Variants in NOTCH3 observed in about 807,000 individuals in gnomAD.
NOTCH3 encodes the protein notch receptor 3.
Under a neutral mutation model 213.3 loss-of-function variants are expected in NOTCH3, and 86 were observed. The ratio of observed to expected loss-of-function variants is 0.40; its 90% CI spans 0.34 to 0.48. NOTCH3 has a LOEUF of 0.48. Ranked by LOEUF, NOTCH3 falls within the 20% of genes least tolerant of loss-of-function variation. The pLI, the probability that NOTCH3 is intolerant of heterozygous loss-of-function variation, is 0.57. For synonymous variants in NOTCH3, 1,354 were observed against 1,355.9 expected, an observed-to-expected ratio of 1.00 and a Z score of 0.03; for missense variants, 2,783 against 3,272.6, an observed-to-expected ratio of 0.85 and a Z score of 3.65.
chr19:15,181,578 G>A lies in NOTCH3; in HGVS notation c.2790C>T (p.Pro930=), dbSNP rs1599383352. ...CTCCAAGCAGAGGCCCCGCCCACCT[G>A]GGGCTGCAGTCGGGCAGGTCCTGTT... is the stretch of plus-strand genomic sequence containing the variant. ...HCEQDLPDCS[P]SSCFNGGTCV... Residue 930 remains proline (P), a splice_region_variant and synonymous_variant, in exon 17 of 33, where the codon CCC becomes CCT. Transcript: ENST00000263388. The A allele has an allele frequency of 6.5e-7, 1 of 1,550,186 alleles. No individual in the cohort carries two copies. Among genetic ancestry groups the A allele is most frequent in the Non-Finnish European group, 8.7e-7 (1 of 1,146,542 alleles).
Position 15,161,411 on chromosome 19 carries a change from C to G in NOTCH3, c.6217G>C (p.Gly2073Arg), listed in dbSNP as rs1250159597. ...SRRPPGKAGL[G>R]PQGPRGRGKK... is the part of the protein sequence containing the mutation. The stretch of plus-strand genomic sequence containing the variant: ...CCCCGCCCCCGGGGCCCCTGCGGCC[C>G]CAGCCCCGCCTTCCCGGGGGGCCTC... Residue 2073 changes from glycine (G) to arginine (R), a missense_variant, in exon 33 of 33, where the codon GGG (glycine) becomes CGG (arginine). By Grantham distance (125) the Gly-to-Arg change is moderately radical. Coordinates refer to ENST00000263388, the MANE Select transcript of NOTCH3 (RefSeq NM_000435.3). 1 of 1,527,294 alleles carries G rather than the reference C, an allele frequency of 6.5e-7. No homozygotes were observed. Among genetic ancestry groups the G allele is most frequent in the Non-Finnish European group, 8.8e-7 (1 of 1,136,764 alleles). 94.6% of individuals were successfully genotyped at this position (1,527,294 alleles called of 1,614,324 possible).
In NOTCH3 at chr19:15,161,406, C is replaced by A. The variant is rs764753278; in HGVS notation, c.6222G>T (p.Pro2074=). 1.3e-6 allele frequency: 2 copies of A among 1,523,698 alleles called. No homozygotes were observed. The highest frequency in any genetic ancestry group is 1.8e-6 in the Non-Finnish European group (2 of 1,135,744). The allele number at this position is 1,523,698 out of a possible 1,614,324, so 94.4% of individuals were successfully genotyped here. ...TCTTGCCCCGCCCCCGGGGCCCCTG[C>A]GGCCCCAGCCCCGCCTTCCCGGGGG... ...RRPPGKAGLG[P]QGPRGRGKKL... The change falls in exon 33 of 33, where the codon CCG becomes CCT. Residue 2074 remains proline, a synonymous_variant. Coordinates refer to ENST00000263388, the MANE Select transcript of NOTCH3 (RefSeq NM_000435.3).
chr19:15,178,566 G>T, intron 23 of NOTCH3: 1 of 544,602 alleles, frequency 1.8e-6, no homozygotes, highest in Non-Finnish European at 3.3e-6. Context: ...TATATTTTTA[G>T]TAGAGACGGG....
In NOTCH3 at chr19:15,187,203, C is replaced by G. The variant is rs570645067; in HGVS notation, c.1742G>C (p.Ser581Thr). The change falls in exon 11 of 33, where the codon AGC (serine) becomes ACC (threonine). Residue 581 changes from serine (S) to threonine (T), a missense_variant. Physicochemically the swap from Ser to Thr is moderately conservative, Grantham distance 58. Coordinates refer to ENST00000263388, the MANE Select transcript of NOTCH3 (RefSeq NM_000435.3). The stretch of plus-strand genomic sequence containing the variant: ...CTGGCTGCGGCATTCGTCCACCTGG[C>G]TCTCGCAGCGTGTGCCCGTGTAGCC... Reference protein sequence around the residue: ...APGYTGTRCESQVDECRSQPC... With the variant: ...APGYTGTRCETQVDECRSQPC... 10 of 1,614,106 alleles carry G rather than the reference C, an allele frequency of 6.2e-6. No individual in the cohort carries two copies. The South Asian group carries it at 9.9e-5, about 16-fold the overall frequency.
chr19:15,195,651 G>A (rs2046963973), intron 2 of NOTCH3, among the ~76,000 whole-genome samples: 1 of 151,938 alleles, frequency 6.6e-6, no homozygotes, highest in Non-Finnish European at 1.5e-5. Flanking sequence ...GGCGTTGGGA[G>A]GGGAGGGCAC....
intron 25 of NOTCH3, among the ~76,000 whole-genome samples, chr19:15,173,588 G>A (rs1340683503): frequency 1.3e-5 from 2 of 151,610 alleles, no homozygotes; most frequent in South Asian, 2.1e-4. Flanking sequence ...AAATTAGCCC[G>A]GTGTGGTGGT....
At chr19:15,195,409 A>G (rs1187600827) in intron 2 of NOTCH3, among the ~76,000 whole-genome samples, 1 of 152,026 alleles carries the variant, frequency 6.6e-6, no homozygotes, top group Non-Finnish European at 1.5e-5. Flanking sequence ...GGAGGGGCTT[A>G]GAGAAGCCAG....
chr19:15,162,952 G>A (rs1412480951), intron 31 of NOTCH3, among the ~76,000 whole-genome samples: 1 of 152,098 alleles, frequency 6.6e-6, no homozygotes, highest in African/African-American at 2.4e-5. Context: ...CACCCAGGCT[G>A]GAGTCCATTG....
chr19:15,197,445 C>CAA, intron 2 of NOTCH3, 55 bp downstream of exon 2: 1 of 771,206 alleles, frequency 1.3e-6, no homozygotes. Context: ...CAAATCGCCC[C>CAA]TCCCCCCCGC....
rs2145392121 is a variant in NOTCH3, at chr19:15,165,899, G to A, written c.5555C>T (p.Ala1852Val). 1.2e-6 allele frequency: 2 copies of A among 1,614,148 alleles called. No individual in the cohort carries two copies. Among genetic ancestry groups the A allele is most frequent in the Non-Finnish European group, 1.7e-6 (2 of 1,180,024 alleles). The change falls in exon 30 of 33, where the codon GCT (alanine) becomes GTT (valine). Residue 1852 changes from alanine to valine, a missense_variant. This residue lies in a region of NOTCH3 where 636 missense variants were observed against 801.8 expected (regional missense o/e 0.79). Coordinates refer to ENST00000263388, the MANE Select transcript of NOTCH3 (RefSeq NM_000435.3). This position sits in a 1 kb window ranked among gnomAD's most constrained non-coding sequence, Gnocchi z 4.7. ...ALHLAARYAR[A>V]DAAKRLLDAG... is the part of the protein sequence containing the mutation. ...ATCCAGCAGCCGCTTGGCTGCATCAGCACGGGCATAACGGGCAGCCAGGTG... is the reference window on the plus strand; with the variant it reads ...ATCCAGCAGCCGCTTGGCTGCATCAACACGGGCATAACGGGCAGCCAGGTG...
At chr19:15,184,831 T>C (rs1174923590) in intron 15 of NOTCH3, 75 bp downstream of exon 15, 3 of 879,090 alleles carry the variant, frequency 3.4e-6, no homozygotes, top group South Asian at 1.5e-5. Context: ...CCTCTCTGGA[T>C]CCCCAGCATC....
chr19:15,197,823 CAGG>C lies in NOTCH3; in HGVS notation c.119-248_119-246del, dbSNP rs201751245. Among the ~76,000 whole-genome samples the C allele has an allele frequency of 7.8e-3, 1,117 of 143,996 alleles. 6 individuals are homozygous for C. The highest frequency in any genetic ancestry group is 0.019 in the Middle Eastern group (5 of 260). The allele number at this position is 143,996 out of a possible 152,430, so 94.5% of individuals were successfully genotyped here. A position where few individuals can be genotyped will look rare whatever the true frequency, so the allele number is the denominator to read the frequency against. Reference sequence around the variant, plus strand: ...CTGGGAACCACAAAGCAGGGGAAGGCAGGAGGAGGGGCTGTCTTATGCCAGATG... The same window carrying C: ...CTGGGAACCACAAAGCAGGGGAAGGCAGGAGGGGCTGTCTTATGCCAGATG... On this transcript the variant is annotated intron_variant, in intron 1 of 32. Coordinates refer to ENST00000263388, the MANE Select transcript of NOTCH3 (RefSeq NM_000435.3).
chr19:15,190,933 C>A (rs2046921657), intron 6 of NOTCH3, among the ~76,000 whole-genome samples: 1 of 152,082 alleles, frequency 6.6e-6, no homozygotes, highest in African/African-American at 2.4e-5. Context: ...GTTGTCCAGG[C>A]TGGTCTCAAA....
intron 1 of NOTCH3, among the ~76,000 whole-genome samples, chr19:15,199,468 T>C (rs2046994368): frequency 6.6e-6 from 1 of 152,116 alleles, no homozygotes; most frequent in Non-Finnish European, 1.5e-5. Context: ...TGTAAGCATG[T>C]CCTTGAGTCT....
chr19:15,190,867 G>A (rs1411852004), intron 6 of NOTCH3, among the ~76,000 whole-genome samples: 1 of 150,878 alleles, frequency 6.6e-6, no homozygotes, highest in Non-Finnish European at 1.5e-5. Context: ...GGTTACAGGC[G>A]TGAGCCACCA....
chr19:15,162,638 C>T, intron 31 of NOTCH3, 76 bp from the exon 32 acceptor site: 1 of 1,106,272 alleles, frequency 9.0e-7, no homozygotes, highest in Non-Finnish European at 1.4e-6. Context: ...CAGAAATTGT[C>T]TAGAATGTGG....
intron 24 of NOTCH3, 25 bp downstream of exon 24, chr19:15,177,499 CG>C: frequency 6.3e-7 from 1 of 1,595,004 alleles, no homozygotes; most frequent in Non-Finnish European, 8.5e-7. Flanking sequence ...CATAGACAGA[CG>C]GATCGATCGG....
intron 4 of NOTCH3, 27 bp from the exon 5 acceptor site, chr19:15,191,894 C>G: frequency 6.2e-7 from 1 of 1,613,838 alleles, no homozygotes; most frequent in Non-Finnish European, 8.5e-7. Flanking sequence ...CAAGGATGGT[C>G]ACCGCCGGGC....
chr19:15,193,592 C>T (rs1245813925), intron 2 of NOTCH3, among the ~76,000 whole-genome samples: 5 of 151,514 alleles, frequency 3.3e-5, no homozygotes, highest in Non-Finnish European at 7.4e-5. Context: ...CATAGGGAGA[C>T]TTTTTTTCCA....
Sources: gnomAD v4.1 joint callset for allele counts (sites outside exome capture counted in the v4.1 genomes callset) on GRCh38, gnomAD v4.1.1 for gene constraint, gnomAD v4.1.1 regional missense constraint, Gnocchi (gnomAD v3.1) non-coding constraint, MANE v1.5 for transcripts, NCBI Gene and HGNC (gene_info 2026-07-23, HGNC 2026-07-21) for gene names.